LRRC28: variants seen among roughly 807,000 people sequenced by gnomAD.
LRRC28 encodes leucine-rich repeat-containing protein 28.
LRRC28 carries 39 observed loss-of-function variants against 45.7 expected under a neutral mutation model. The observed-to-expected ratio is 0.85, with a 90% CI of 0.66 to 1.12. The LOEUF is 1.12. LRRC28 is among the 50% of genes most tolerant of loss of function. The pLI is 0.00. For synonymous variants in LRRC28, 206 were observed against 178.8 expected, an observed-to-expected ratio of 1.15 and a Z score of -1.22; for missense variants, 435 against 438.5, an observed-to-expected ratio of 0.99 and a Z score of 0.07.
intron 6 of LRRC28, among the ~76,000 whole-genome samples, chr15:99,348,657 T>A (rs1368889616): frequency 6.6e-6 from 1 of 152,138 alleles, no homozygotes; most frequent in African/African-American, 2.4e-5. Context: ...TACCATAGCT[T>A]TGTAAAATAA....
At chr15:99,371,391 G>A (rs907796699) in intron 9 of LRRC28, among the ~76,000 whole-genome samples, 2 of 152,152 alleles carry the variant, frequency 1.3e-5, no homozygotes, top group African/African-American at 4.8e-5. Context: ...CTGAGTGATT[G>A]TTGTGCCTTG....
chr15:99,261,662 TA>T (rs915909847), intron 2 of LRRC28, among the ~76,000 whole-genome samples: 114 of 152,164 alleles, frequency 7.5e-4, no homozygotes, highest in African/African-American at 2.3e-3. Context: ...ATTTTAATTT[TA>T]ATTTTTTTTT....
At chr15:99,364,854 G>T (rs1957298808) in intron 9 of LRRC28, among the ~76,000 whole-genome samples, 1 of 152,134 alleles carries the variant, frequency 6.6e-6, no homozygotes, top group African/African-American at 2.4e-5. Context: ...GTAGTTTAGA[G>T]ATTTTTTATT....
intron 3 of LRRC28, among the ~76,000 whole-genome samples, chr15:99,286,009 A>G (rs1658725347): frequency 6.6e-6 from 1 of 152,238 alleles, no homozygotes; most frequent in South Asian, 2.1e-4. Flanking sequence ...TCTTCATAAA[A>G]TTATCAATTT....
chr15:99,277,374 AC>A (rs2081646768), intron 3 of LRRC28, among the ~76,000 whole-genome samples: 1 of 151,954 alleles, frequency 6.6e-6, no homozygotes, highest in African/African-American at 2.4e-5. Context: ...ACACCCGTAA[AC>A]CCTTCACCTA....
intron 2 of LRRC28, among the ~76,000 whole-genome samples, chr15:99,268,785 T>A (rs1250842705): frequency 1.3e-5 from 2 of 152,246 alleles, no homozygotes; most frequent in African/African-American, 4.8e-5. Flanking sequence ...TTGTGTGTAT[T>A]TTTATATTGC....
intron 9 of LRRC28, among the ~76,000 whole-genome samples, chr15:99,365,212 T>G (rs1474172167): frequency 6.6e-6 from 1 of 152,266 alleles, no homozygotes. Context: ...ATTTACTGTT[T>G]AATTTCCCTG....
At chr15:99,363,290 G>A in intron 9 of LRRC28, 25 bp downstream of exon 9, 2 of 1,604,994 alleles carry the variant, frequency 1.2e-6, no homozygotes, top group East Asian at 2.2e-5. Flanking sequence ...GTGGGCACCA[G>A]GGTTTACACC....
intron 9 of LRRC28, among the ~76,000 whole-genome samples, chr15:99,365,336 A>C (rs1464885781): frequency 6.6e-6 from 1 of 152,262 alleles, no homozygotes; most frequent in African/African-American, 2.4e-5. Flanking sequence ...CTTTTCTTGC[A>C]TAAAGCCAGA....
chr15:99,277,393 C>T (rs564771630), intron 3 of LRRC28, among the ~76,000 whole-genome samples: 1 of 152,148 alleles, frequency 6.6e-6, no homozygotes, highest in East Asian at 1.9e-4. Context: ...CTAAATTTAA[C>T]CAATTTTGAC....
In LRRC28 at chr15:99,290,738, T is replaced by C. The variant is rs546522597; in HGVS notation, c.385+2787T>C. On this transcript the variant is annotated intron_variant, in intron 5 of 9. Transcript: ENST00000301981. ...GCTGAGGCGAGAGGATCAGGATCGC[T>C]TGAAGCCAGGAGTTCGAGACCAGCC... is the stretch of plus-strand genomic sequence containing the variant. Among the ~76,000 whole-genome samples, 9 of 152,142 alleles carry C rather than the reference T, an allele frequency of 5.9e-5. No individual in the cohort carries two copies. In the East Asian group the frequency reaches 1.7e-3, roughly 29 times the overall value.
chr15:99,338,757 GT>G (rs1471661933), intron 6 of LRRC28, among the ~76,000 whole-genome samples: 1 of 152,198 alleles, frequency 6.6e-6, no homozygotes, highest in Non-Finnish European at 1.5e-5. Context: ...GACACCACCT[GT>G]AAGGATGACT....
intron 5 of LRRC28, among the ~76,000 whole-genome samples, chr15:99,289,740 T>C (rs1003313794): frequency 6.7e-6 from 1 of 148,510 alleles, no homozygotes; most frequent in African/African-American, 2.5e-5. Flanking sequence ...GAGACCATCC[T>C]GGCTAACAAG....
intron 9 of LRRC28, among the ~76,000 whole-genome samples, chr15:99,370,412 G>A (rs1957452524): frequency 6.6e-6 from 1 of 152,168 alleles, no homozygotes; most frequent in Admixed American, 6.5e-5. Context: ...GTGTGTGTGT[G>A]TATGGTTTGG....
intron 9 of LRRC28, among the ~76,000 whole-genome samples, chr15:99,366,820 C>A (rs1957352513): frequency 6.6e-6 from 1 of 152,078 alleles, no homozygotes; most frequent in Admixed American, 6.6e-5. Context: ...AGGACTAAAG[C>A]ACAGGAATTT....
chr15:99,341,485 T>G (rs1956511189), intron 6 of LRRC28, among the ~76,000 whole-genome samples: 1 of 152,192 alleles, frequency 6.6e-6, no homozygotes, highest in African/African-American at 2.4e-5. Context: ...AACAGGATTA[T>G]TTCATGTGGC....
At chr15:99,352,559 G>A in intron 7 of LRRC28, 88 bp downstream of exon 7, 2 of 1,000,442 alleles carry the variant, frequency 2.0e-6, no homozygotes, top group Non-Finnish European at 3.0e-6. Flanking sequence ...TTGATGATAT[G>A]CTAAACCAGG....
intron 6 of LRRC28, among the ~76,000 whole-genome samples, chr15:99,347,443 G>A (rs1343188201): frequency 2.0e-5 from 3 of 152,118 alleles, no homozygotes; most frequent in Non-Finnish European, 4.4e-5. Flanking sequence ...TCCTGACCTC[G>A]TGATCTGCCC....
rs761561702 is a variant in LRRC28 at position 99,287,907 on chromosome 15, G to A, written c.341G>A (p.Arg114His). The A allele has an allele frequency of 3.7e-6, 6 of 1,613,616 alleles. No homozygotes were observed. The highest frequency in any genetic ancestry group is 2.2e-5 in the South Asian group (2 of 91,062). The part of the protein sequence containing the change: ...CPEIGRLRAL[R>H]HLRLANNQLQ... ...GAAATTGGTCGTCTGAGAGCTTTAC[G>A]TCATCTTCGATTAGCTAATAACCAA... The change falls in exon 5 of 10, where the codon CGT (arginine) becomes CAT (histidine). Residue 114 changes from arginine (R) to histidine (H), a missense_variant. By Grantham distance (29) the Arg-to-His change is conservative. Coordinates refer to ENST00000301981, the MANE Select transcript of LRRC28 (RefSeq NM_144598.5).
Sources: gnomAD v4.1 joint callset for allele counts (sites outside exome capture counted in the v4.1 genomes callset) on GRCh38, gnomAD v4.1.1 for gene constraint, MANE v1.5 for transcripts, NCBI Gene and HGNC (gene_info 2026-07-23, HGNC 2026-07-21) for gene names.